The following TENM1 variants were observed in gnomAD, a reference collection of about 807,000 sequenced individuals.
TENM1 encodes the protein teneurin transmembrane protein 1.
A neutral mutation model predicts 174.8 loss-of-function variants in TENM1; 35 were observed. The observed-to-expected ratio is 0.20, with a 90% confidence interval of 0.15 to 0.27. The LOEUF (loss-of-function observed/expected upper bound fraction) is 0.27. TENM1 is among the 10% of genes least tolerant of loss of function. The probability of loss-of-function intolerance (pLI) is 1.00; values close to 1 mark genes in which losing one functional copy is unlikely to be tolerated. For synonymous variants in TENM1, 781 were observed against 798.7 expected (o/e 0.98, Z 0.37); for missense variants, 1,633 against 2,130.1 (o/e 0.77, Z 4.59).
chrX:124,709,941 G>C (rs1200470705), intron 4 of TENM1, among the ~76,000 whole-genome samples: 1 of 110,791 alleles, frequency 9.0e-6, no homozygotes, highest in East Asian at 2.8e-4. Flanking sequence ...GCTTCTAAAG[G>C]CACCTAATTT....
At chrX:124,793,068 G>A (rs1231609484) in intron 3 of TENM1, among the ~76,000 whole-genome samples, 1 of 111,874 alleles carries the variant, frequency 8.9e-6, no homozygotes, top group Non-Finnish European at 1.9e-5. Context: ...AGCTGGAGTT[G>A]TTCACCACAA....
chrX:124,687,973 G>A (rs981829026), intron 5 of TENM1, among the ~76,000 whole-genome samples: 46 of 111,918 alleles, frequency 4.1e-4, no homozygotes, highest in African/African-American at 1.3e-3. Flanking sequence ...GTAAATTCTC[G>A]AAATCTAATG....
chrX:124,853,696 G>T (rs766531581), intron 3 of TENM1, among the ~76,000 whole-genome samples: 1 of 110,779 alleles, frequency 9.0e-6, no homozygotes, highest in South Asian at 3.8e-4. Context: ...TAAGAATGGG[G>T]AACTAGAATG....
chrX:125,172,731 T>A, the TENM1 span, among the ~76,000 whole-genome samples: 1 of 111,270 alleles, frequency 9.0e-6, no homozygotes, highest in Non-Finnish European at 1.9e-5. Context: ...CGTCATCATA[T>A]GTACATGGAA....
At chrX:125,090,667 T>G in the TENM1 span, among the ~76,000 whole-genome samples, 1 of 110,639 alleles carries the variant, frequency 9.0e-6, no homozygotes, top group Non-Finnish European at 1.9e-5. Flanking sequence ...AAAGAAAGCA[T>G]GCAAACACAG....
At chrX:124,991,516 CAGAG>C in the TENM1 span, among the ~76,000 whole-genome samples, 1 of 108,331 alleles carries the variant, frequency 9.2e-6, no homozygotes, top group African/African-American at 3.4e-5. Context: ...GACAGAGAGA[CAGAG>C]AGAGACAGAG....
intron 16 of TENM1, among the ~76,000 whole-genome samples, chrX:124,526,673 T>A (rs16999258): frequency 0.059 from 6,612 of 112,056 alleles, 281 homozygotes; most frequent in African/African-American, 0.15. Flanking sequence ...AGGGAGAGGA[T>A]TTATTTGTTT....
chrX:125,124,035 T>C, the TENM1 span, among the ~76,000 whole-genome samples: 1 of 112,458 alleles, frequency 8.9e-6, no homozygotes, highest in Non-Finnish European at 1.9e-5. Flanking sequence ...TCTTCCTCCA[T>C]AAAAATGGGG....
the TENM1 span, among the ~76,000 whole-genome samples, chrX:125,078,805 G>C: frequency 1.8e-5 from 2 of 111,759 alleles, no homozygotes; most frequent in Non-Finnish European, 3.8e-5. Context: ...GCATTGACAT[G>C]AAATGGTTTA....
At chrX:124,492,827 G>C (rs1244335741) in intron 20 of TENM1, among the ~76,000 whole-genome samples, 2 of 109,958 alleles carry the variant, frequency 1.8e-5, no homozygotes, top group East Asian at 2.9e-4. Context: ...GGGAGGCAGG[G>C]AACTCTAAGG....
chrX:124,571,117 A>G (rs1262242354), intron 11 of TENM1, among the ~76,000 whole-genome samples: 2 of 112,156 alleles, frequency 1.8e-5, no homozygotes, highest in Non-Finnish European at 3.8e-5. Flanking sequence ...GCAAGACTCA[A>G]TAAATGCCAA....
intron 16 of TENM1, among the ~76,000 whole-genome samples, chrX:124,526,292 G>A (rs1019138103): frequency 4.5e-5 from 5 of 111,788 alleles, no homozygotes; most frequent in Admixed American, 9.5e-5. Flanking sequence ...TAGCCTGCCC[G>A]ACAGATTTCA....
chrX:125,161,465 T>A, the TENM1 span, among the ~76,000 whole-genome samples: 1 of 111,495 alleles, frequency 9.0e-6, no homozygotes, highest in Non-Finnish European at 1.9e-5. Context: ...ATAAAAGGAA[T>A]GAAGTGTTGA....
At chrX:124,754,892 A>G (rs1389566518) in intron 3 of TENM1, among the ~76,000 whole-genome samples, 1 of 105,866 alleles carries the variant, frequency 9.4e-6, no homozygotes, top group Non-Finnish European at 1.9e-5. Context: ...TTTGCTGAGG[A>G]GAGCTTTACT....
intron 23 of TENM1, among the ~76,000 whole-genome samples, chrX:124,436,950 T>A (rs2147793682): frequency 1.1e-5 from 1 of 91,430 alleles, no homozygotes; most frequent in South Asian, 6.0e-4. Flanking sequence ...TTTTTTTTTT[T>A]TTTTTTTTGA....
At chrX:124,991,772 C>A in the TENM1 span, among the ~76,000 whole-genome samples, 1 of 110,606 alleles carries the variant, frequency 9.0e-6, no homozygotes, top group African/African-American at 3.3e-5. Context: ...ACTCTAGGAC[C>A]AACGAATTAG....
At chrX:124,884,304 A>C (rs1385185096) in intron 3 of TENM1, among the ~76,000 whole-genome samples, 1 of 101,441 alleles carries the variant, frequency 9.9e-6, no homozygotes, top group Non-Finnish European at 2.0e-5. Flanking sequence ...GAGGATGTTG[A>C]CCCCCAGGGC....
chrX:124,586,832 C>T (rs1320190376), intron 11 of TENM1, among the ~76,000 whole-genome samples: 33 of 108,069 alleles, frequency 3.1e-4, no homozygotes, highest in Non-Finnish European at 5.4e-4. Context: ...TAAGCAACTT[C>T]AGCAAAGTCT....
chrX:124,979,932 T>C, the TENM1 span, among the ~76,000 whole-genome samples: 2 of 112,080 alleles, frequency 1.8e-5, no homozygotes, highest in African/African-American at 6.5e-5. Context: ...AATGGGAATG[T>C]ACAGGATATC....
Sources: gnomAD v4.1 joint callset for allele counts (sites outside exome capture counted in the v4.1 genomes callset) on GRCh38, gnomAD v4.1.1 for gene constraint, MANE v1.5 for transcripts, NCBI Gene and HGNC (gene_info 2026-07-23, HGNC 2026-07-21) for gene names.